NCKAP5: variants seen among roughly 807,000 people sequenced by gnomAD.
The protein encoded by NCKAP5 is NCK associated protein 5.
A neutral mutation model predicts 167.0 loss-of-function variants in NCKAP5; 92 were observed. That is an observed-to-expected ratio of 0.55 (90% confidence interval 0.47 to 0.66). The LOEUF (loss-of-function observed/expected upper bound fraction) is 0.66. Ranked by LOEUF, NCKAP5 falls within the 30% of genes least tolerant of loss-of-function variation. NCKAP5 has a pLI of 0.00. For missense variants in NCKAP5, 2,378 were observed against 2,315.0 expected, an observed-to-expected ratio of 1.03 and a Z score of -0.56; for synonymous variants, 891 against 877.4, an observed-to-expected ratio of 1.02 and a Z score of -0.27.
chr2:133,123,616 G>A (rs2082315568), intron 6 of NCKAP5: 1 of 291,822 alleles, frequency 3.4e-6, no homozygotes, highest in Non-Finnish European at 7.3e-6. Context: ...CAAATCAACA[G>A]AAAATTGCCC....
the NCKAP5 span, among the ~76,000 whole-genome samples, chr2:133,662,309 G>A: frequency 2.6e-5 from 4 of 151,804 alleles, no homozygotes; most frequent in South Asian, 2.1e-4. Context: ...TCTTTTTATC[G>A]TTTGCCCAAC....
chr2:133,174,702 C>CTTTT (rs71909848), intron 5 of NCKAP5, among the ~76,000 whole-genome samples: 2 of 144,752 alleles, frequency 1.4e-5, no homozygotes. Context: ...CAAGTAACAT[C>CTTTT]TTTTTTTTTT....
intron 4 of NCKAP5, among the ~76,000 whole-genome samples, chr2:133,285,627 G>A (rs1184177698): frequency 2.6e-5 from 4 of 152,148 alleles, no homozygotes; most frequent in Non-Finnish European, 2.9e-5. Flanking sequence ...TCTTCAAAAA[G>A]CAATGTCTTC....
At chr2:133,661,027 C>T in the NCKAP5 span, among the ~76,000 whole-genome samples, 1 of 151,754 alleles carries the variant, frequency 6.6e-6, no homozygotes. Flanking sequence ...AGATGTCTTT[C>T]CTGAGCCTCA....
intron 3 of NCKAP5, among the ~76,000 whole-genome samples, chr2:133,396,505 G>A (rs1446759184): frequency 1.3e-5 from 2 of 152,120 alleles, no homozygotes; most frequent in Admixed American, 6.5e-5. Flanking sequence ...GAAGATACTA[G>A]TTAAGACATA....
At chr2:132,826,918 G>T (rs1397303704) in intron 11 of NCKAP5, among the ~76,000 whole-genome samples, 1 of 152,196 alleles carries the variant, frequency 6.6e-6, no homozygotes, top group Non-Finnish European at 1.5e-5. Flanking sequence ...TGCTGGGCAA[G>T]GCATGAAAGA....
rs1401418321 is a variant in NCKAP5 at position 132,785,160 on chromosome 2, A to G, written c.1651T>C (p.Cys551Arg). The change falls in exon 14 of 20, where the codon TGC becomes CGC. Residue 551 changes from cysteine to arginine, a missense_variant. Around this residue, in one of 3 missense-constraint regions of NCKAP5, gnomAD observed 1,049 missense variants for 1,023.4 expected, o/e 1.02. Coordinates refer to ENST00000409261, the MANE Select transcript of NCKAP5 (RefSeq NM_207363.3). ...ACCTGAGGCGTCTGCACACTTGGGC[A>G]CAGCTTCATCTCTAAGGGACAGCTG... ...ASSCPLEMKLCPSVQTPQVQR... is the reference protein window; with the variant it reads ...ASSCPLEMKLRPSVQTPQVQR... 1 of 1,604,378 alleles carries G rather than the reference A, an allele frequency of 6.2e-7. No homozygotes were observed. Among genetic ancestry groups the G allele is most frequent in the Non-Finnish European group, 8.5e-7 (1 of 1,176,450 alleles).
At chr2:133,200,234 C>T (rs927204501) in intron 5 of NCKAP5, among the ~76,000 whole-genome samples, 26 of 151,884 alleles carry the variant, frequency 1.7e-4, no homozygotes, top group African/African-American at 6.0e-4. Context: ...TATTTGATTA[C>T]TACAGTAACC....
At chr2:133,305,394 A>T (rs1335071469) in intron 3 of NCKAP5, among the ~76,000 whole-genome samples, 1 of 152,222 alleles carries the variant, frequency 6.6e-6, no homozygotes, top group Non-Finnish European at 1.5e-5. Context: ...TGCTTCATTT[A>T]TGGAGGCATT....
intron 4 of NCKAP5, among the ~76,000 whole-genome samples, chr2:133,299,536 C>A (rs1680212452): frequency 6.6e-6 from 1 of 151,930 alleles, no homozygotes; most frequent in South Asian, 2.1e-4. Context: ...CACCTGAGGT[C>A]AGGAGTTCGA....
At chr2:133,570,264 T>C (rs1688816341), upstream of NCKAP5, among the ~76,000 whole-genome samples, 1 of 152,342 alleles carries the variant, frequency 6.6e-6, no homozygotes, top group East Asian at 1.9e-4. Context: ...GTATGCTTTG[T>C]GTGTGGTTTG....
At chr2:132,771,288 C>T (rs1029253412) in intron 16 of NCKAP5, among the ~76,000 whole-genome samples, 7 of 151,748 alleles carry the variant, frequency 4.6e-5, no homozygotes, top group Non-Finnish European at 8.8e-5. Context: ...TTTGTGTCTT[C>T]GTTTTTAACA....
At chr2:132,992,842 T>C (rs544428647) in intron 7 of NCKAP5, among the ~76,000 whole-genome samples, 1 of 152,300 alleles carries the variant, frequency 6.6e-6, no homozygotes, top group Admixed American at 6.5e-5. Flanking sequence ...TCTTCTGAGG[T>C]AGCTTAAGTC....
At chr2:133,503,073 T>C (rs1484515615) in intron 3 of NCKAP5, among the ~76,000 whole-genome samples, 1 of 152,250 alleles carries the variant, frequency 6.6e-6, no homozygotes, top group African/African-American at 2.4e-5. Flanking sequence ...CCAGTTAGGT[T>C]AATCAAGAGT....
chr2:133,187,274 T>C (rs912820652), intron 5 of NCKAP5, among the ~76,000 whole-genome samples: 1 of 152,058 alleles, frequency 6.6e-6, no homozygotes, highest in Non-Finnish European at 1.5e-5. Flanking sequence ...AGATCTTCTT[T>C]GTACTGACCA....
At position 133,129,981 on chromosome 2, in the gene NCKAP5, G is replaced by C; in HGVS notation, c.338C>G (p.Ser113Cys). The C allele has an allele frequency of 1.2e-6, 2 of 1,605,140 alleles. No individual in the cohort carries two copies. Among genetic ancestry groups the C allele is most frequent in the Non-Finnish European group, 8.5e-7 (1 of 1,177,114 alleles). Reference sequence around the variant, plus strand: ...TCTGCTCAGCTAAGAACAATACCTGGAGAACTGCTGCTGCAAGCTACGCAT... The same window carrying C: ...TCTGCTCAGCTAAGAACAATACCTGCAGAACTGCTGCTGCAAGCTACGCAT... The part of the protein sequence containing the change: ...IQMRSLQQQF[S>C]RMEETVRNLL... The change falls in exon 6 of 20, where the codon TCC becomes TGC. Residue 113 changes from serine to cysteine, a missense_variant. This residue lies in a region of NCKAP5 where 1,049 missense variants were observed against 1,023.4 expected (regional missense o/e 1.02). Transcript: ENST00000409261.
chr2:133,351,271 G>C (rs527295147), intron 3 of NCKAP5, among the ~76,000 whole-genome samples: 9 of 152,230 alleles, frequency 5.9e-5, no homozygotes, highest in Middle Eastern at 3.4e-3. Flanking sequence ...TCTGCAGACT[G>C]GTACCCCTAT....
At chr2:133,022,867 C>T (rs1404765726) in intron 6 of NCKAP5, among the ~76,000 whole-genome samples, 1 of 152,128 alleles carries the variant, frequency 6.6e-6, no homozygotes, top group Non-Finnish European at 1.5e-5. Context: ...CCATCTTCCT[C>T]GCCCCTACAC....
intron 5 of NCKAP5, among the ~76,000 whole-genome samples, chr2:133,151,947 A>G (rs1475192306): frequency 6.6e-6 from 1 of 152,122 alleles, no homozygotes; most frequent in Non-Finnish European, 1.5e-5. Context: ...CCTCAATAAA[A>G]AACAAAAACC....
Sources: gnomAD v4.1 joint callset for allele counts (sites outside exome capture counted in the v4.1 genomes callset) on GRCh38, gnomAD v4.1.1 for gene constraint, gnomAD v4.1.1 regional missense constraint, MANE v1.5 for transcripts, NCBI Gene and HGNC (gene_info 2026-07-23, HGNC 2026-07-21) for gene names.